The following PCSK6 variants were observed in gnomAD, a reference collection of about 807,000 sequenced individuals.
PCSK6 encodes the protein proprotein convertase subtilisin/kexin type 6.
In PCSK6, 85 loss-of-function variants were observed where a neutral mutation model predicts 123.3. The ratio of observed to expected loss-of-function variants is 0.69; its 90% CI spans 0.58 to 0.83. The LOEUF (loss-of-function observed/expected upper bound fraction) is 0.83, where lower values mean the gene tolerates loss of function less well. Among genes scored for constraint, PCSK6 ranks in the 40% least tolerant of loss-of-function variants. The probability of loss-of-function intolerance (pLI) is 0.00; values close to 1 mark genes in which losing one functional copy is unlikely to be tolerated. For synonymous variants in PCSK6, 508 were observed against 516.0 expected (o/e 0.98, Z 0.21); for missense variants, 1,191 against 1,282.3 (o/e 0.93, Z 1.09).
At position 101,316,910 on chromosome 15, in the gene PCSK6, G is replaced by GTTTTTTTTTTTTTTTTTTTTTTTT. The variant is rs57613156; in HGVS notation, c.2569+1408_2569+1409insAAAAAAAAAAAAAAAAAAAAAAAA. The stretch of plus-strand genomic sequence containing the variant: ...ACTGGTTTAGCAGAGACTTAATTCT[G>GTTTTTTTTTTTTTTTTTTTTTTTT]TTTTTTTTTTTTTTTTTTTGACAGA... On this transcript the variant is annotated intron_variant, in intron 19 of 21. Coordinates refer to ENST00000611716, the MANE Select transcript of PCSK6 (RefSeq NM_002570.5). Among the ~76,000 whole-genome samples, 16 of 114,972 alleles carry GTTTTTTTTTTTTTTTTTTTTTTTT rather than the reference G, an allele frequency of 1.4e-4. 3 individuals carry two copies. The highest frequency in any genetic ancestry group is 5.9e-4 in the African/African-American group (15 of 25,388). 75.4% of individuals were successfully genotyped at this position (114,972 alleles called of 152,430 possible).
At chr15:101,475,708 C>A (rs1242438726) in intron 1 of PCSK6, among the ~76,000 whole-genome samples, 1 of 139,448 alleles carries the variant, frequency 7.2e-6, no homozygotes, top group Non-Finnish European at 1.5e-5. Context: ...CCAGGCTGGT[C>A]TCGAACTCCT....
chr15:101,368,144 G>A (rs374813066), intron 12 of PCSK6, among the ~76,000 whole-genome samples: 179 of 152,332 alleles, frequency 1.2e-3, no homozygotes, highest in African/African-American at 4.0e-3. Flanking sequence ...GCCTGATGGC[G>A]CAAGGACAGC....
At chr15:101,410,092 C>T (rs1175484691) in intron 6 of PCSK6, among the ~76,000 whole-genome samples, 2 of 152,188 alleles carry the variant, frequency 1.3e-5, no homozygotes, top group Admixed American at 6.5e-5. Flanking sequence ...GCCACCATGC[C>T]TGGCTAATTT....
chr15:101,489,515 C>T lies in PCSK6; in HGVS notation c.156G>A (p.Leu52=). Residue 52 remains leucine (L), a synonymous_variant, in exon 1 of 22, where the codon CTG becomes CTA. Transcript: ENST00000611716. ...AGGCGGCAGGCAGCGCCAGCAGCAG[C>T]AGCCAGCGCCAGGGACGCGGCGCGA... ...RPLAPRPWRW[L]LLLALPAACS... The T allele has an allele frequency of 3.9e-6, 4 of 1,034,956 alleles. No homozygotes were observed. The highest frequency in any genetic ancestry group is 7.6e-5 in the East Asian group (1 of 13,112). The allele number at this position is 1,034,956 out of a possible 1,614,324, so 64.1% of individuals were successfully genotyped here.
At position 101,476,969 on chromosome 15, in the gene PCSK6, C is replaced by T. The variant is rs916201136; in HGVS notation, c.297+12405G>A. Among the ~76,000 whole-genome samples, 9 of 152,220 alleles carry T rather than the reference C, an allele frequency of 5.9e-5. No individual in the cohort carries two copies. In the South Asian group the frequency reaches 6.2e-4, roughly 11 times the overall value. On this transcript the variant is annotated intron_variant, in intron 1 of 21. Transcript: ENST00000611716. Reference sequence around the variant, plus strand: ...AACCAGGGACCCAGGGCATGTGGGGCGGGGAAGCAGCGCAGTGGCAGAGCC... The same window carrying T: ...AACCAGGGACCCAGGGCATGTGGGGTGGGGAAGCAGCGCAGTGGCAGAGCC...
chr15:101,326,004 C>T (rs934316249), intron 16 of PCSK6, among the ~76,000 whole-genome samples: 1 of 152,230 alleles, frequency 6.6e-6, no homozygotes, highest in Non-Finnish European at 1.5e-5. Context: ...GTCCAAGAGC[C>T]ATGTCCCCTG....
intron 11 of PCSK6, among the ~76,000 whole-genome samples, chr15:101,380,578 C>T (rs2041886830): frequency 2.0e-5 from 3 of 152,222 alleles, no homozygotes; most frequent in Admixed American, 6.5e-5. Context: ...GGTGTCTGGC[C>T]GACCTGTCGG....
intron 7 of PCSK6, 108 bp from the exon 8 acceptor site, chr15:101,393,532 G>A (rs546749918): frequency 5.7e-5 from 46 of 804,616 alleles, no homozygotes; most frequent in Admixed American, 5.5e-4. Context: ...AAAGGGATAA[G>A]AAGGTTGCAT....
chr15:101,366,744 A>G (rs1274759330), intron 12 of PCSK6, among the ~76,000 whole-genome samples: 1 of 152,208 alleles, frequency 6.6e-6, no homozygotes, highest in Non-Finnish European at 1.5e-5. Flanking sequence ...GCACGAAAGC[A>G]GACAGGGGCG....
At chr15:101,356,741 T>C (rs1349018397) in intron 13 of PCSK6, among the ~76,000 whole-genome samples, 1 of 151,940 alleles carries the variant, frequency 6.6e-6, no homozygotes, top group Non-Finnish European at 1.5e-5. Flanking sequence ...TGTGCAGGAA[T>C]AAATGAAGAG....
intron 6 of PCSK6, among the ~76,000 whole-genome samples, chr15:101,401,748 C>T (rs376497601): frequency 6.6e-6 from 1 of 152,184 alleles, no homozygotes; most frequent in East Asian, 1.9e-4. Flanking sequence ...AAGCATTCAA[C>T]GTGTGTGTTT....
intron 1 of PCSK6, among the ~76,000 whole-genome samples, chr15:101,473,905 A>C (rs1296515736): frequency 1.3e-5 from 2 of 149,266 alleles, no homozygotes; most frequent in Non-Finnish European, 3.0e-5. Context: ...TAAATAAATA[A>C]TGAATGAATG....
At chr15:101,485,946 CATTT>C (rs941807335) in intron 1 of PCSK6, among the ~76,000 whole-genome samples, 2 of 151,188 alleles carry the variant, frequency 1.3e-5, no homozygotes, top group African/African-American at 4.9e-5. Context: ...CGCATCTCTC[CATTT>C]ATTTAAATTT....
intron 1 of PCSK6, among the ~76,000 whole-genome samples, chr15:101,482,413 T>A (rs1471133310): frequency 2.0e-5 from 3 of 152,060 alleles, no homozygotes; most frequent in Non-Finnish European, 4.4e-5. Context: ...CCAGGGCAAG[T>A]ACAACCCGGA....
At position 101,332,128 on chromosome 15, in the gene PCSK6, C is replaced by T. The variant is rs1596192788; in HGVS notation, c.1859-97G>A. The T allele has an allele frequency of 5.2e-6, 6 of 1,162,912 alleles. No individual in the cohort carries two copies. The East Asian group carries it at 1.5e-4, about 30-fold the overall frequency. 72.0% of individuals were successfully genotyped at this position (1,162,912 alleles called of 1,614,324 possible). On this transcript the variant is annotated intron_variant, in intron 13 of 21. Transcript: ENST00000611716. Reference sequence around the variant, plus strand: ...TGCTGCCTGGCTCCTCCCCTGATAGCTGGGCTCTGGCCTGCTACCTTCACT... The same window carrying T: ...TGCTGCCTGGCTCCTCCCCTGATAGTTGGGCTCTGGCCTGCTACCTTCACT...
chr15:101,461,495 A>T (rs1457236876), intron 1 of PCSK6, among the ~76,000 whole-genome samples: 1 of 152,212 alleles, frequency 6.6e-6, no homozygotes, highest in Non-Finnish European at 1.5e-5. Context: ...GTAAAAATTT[A>T]TCAGGCCAGA....
Position 101,370,324 on chromosome 15 carries a change from C to T in PCSK6, c.1721+11G>A. 1.3e-6 allele frequency: 2 copies of T among 1,511,722 alleles called. No homozygotes were observed. Among genetic ancestry groups the T allele is most frequent in the Non-Finnish European group, 1.8e-6 (2 of 1,124,832 alleles). The allele number at this position is 1,511,722 out of a possible 1,614,324, so 93.6% of individuals were successfully genotyped here. A position where few individuals can be genotyped will look rare whatever the true frequency, so the allele number is the denominator to read the frequency against. Reference sequence around the variant, plus strand: ...AGCCCAGACCCCATCCCCACGCCTGCCTCGCCTTACCTCTTTGCCAGAAGT... The same window carrying T: ...AGCCCAGACCCCATCCCCACGCCTGTCTCGCCTTACCTCTTTGCCAGAAGT... On this transcript the variant is annotated intron_variant, in intron 12 of 21. Transcript: ENST00000611716.
intron 6 of PCSK6, among the ~76,000 whole-genome samples, chr15:101,406,857 T>C (rs1410496695): frequency 6.6e-6 from 1 of 152,148 alleles, no homozygotes; most frequent in Non-Finnish European, 1.5e-5. Context: ...CACCTCCTTC[T>C]ACAGTGGAAA....
Position 101,370,458 on chromosome 15 carries a change from T to C in PCSK6, c.1598A>G (p.Asp533Gly), listed in dbSNP as rs938199038. 3 of 1,550,362 alleles carry C rather than the reference T, an allele frequency of 1.9e-6. No homozygotes were observed. The highest frequency in any genetic ancestry group is 2.7e-5 in the African/African-American group (2 of 73,036). Reference sequence around the variant, plus strand: ...GTGCTCCAAGTAGACCACCCGCTGGTCCGAGTGCTCCGCGCAGGCGCTGGT... The same window carrying C: ...GTGCTCCAAGTAGACCACCCGCTGGCCCGAGTGCTCCGCGCAGGCGCTGGT... ...ALTSACAEHS[D>G]QRVVYLEHVV... The change falls in exon 12 of 22, where the codon GAC becomes GGC. Residue 533 changes from aspartate (D) to glycine (G), a missense_variant. Around this residue, in one of 3 missense-constraint regions of PCSK6, gnomAD observed 630 missense variants for 631.4 expected, o/e 1.00. Coordinates refer to ENST00000611716, the MANE Select transcript of PCSK6 (RefSeq NM_002570.5).
Sources: allele counts gnomAD v4.1 joint callset (sites outside exome capture counted in the v4.1 genomes callset), GRCh38; gene constraint gnomAD v4.1.1; regional missense constraint gnomAD v4.1.1; transcripts MANE v1.5; gene names NCBI Gene and HGNC (gene_info 2026-07-23, HGNC 2026-07-21).